The following PDE4B variants were observed in gnomAD, a reference collection of about 807,000 sequenced individuals.
PDE4B encodes 3',5'-cyclic-AMP phosphodiesterase 4B.
In PDE4B, 20 loss-of-function variants were observed where a neutral mutation model predicts 82.2. The ratio of observed to expected loss-of-function variants is 0.24; its 90% confidence interval spans 0.17 to 0.35. The LOEUF (loss-of-function observed/expected upper bound fraction) is 0.35. Ranked by LOEUF, PDE4B falls within the 10% of genes least tolerant of loss-of-function variation. PDE4B has a pLI of 1.00. For synonymous variants in PDE4B, 320 were observed against 318.9 expected (o/e 1.00, Z -0.04); for missense variants, 655 against 907.2 (o/e 0.72, Z 3.57).
chr1:65,884,853 G>A (rs1389210765), intron 1 of PDE4B, among the ~76,000 whole-genome samples: 4 of 152,314 alleles, frequency 2.6e-5, no homozygotes, highest in Admixed American at 1.3e-4. Context: ...GGCCAAAGTT[G>A]ACAAATGGGA....
At position 65,895,507 on chromosome 1, in the gene PDE4B, G is replaced by A. The variant is rs533169336; in HGVS notation, c.-70-17738G>A. Among the ~76,000 whole-genome samples, 44 of 140,764 alleles carry A rather than the reference G, an allele frequency of 3.1e-4. No individual in the cohort carries two copies. The South Asian group carries it at 8.1e-3, about 26-fold the overall frequency. 92.3% of individuals were successfully genotyped at this position (140,764 alleles called of 152,430 possible). A position where few individuals can be genotyped will look rare whatever the true frequency, so the allele number is the denominator to read the frequency against. On this transcript the variant is annotated intron_variant, in intron 1 of 16. Transcript: ENST00000341517. ...AGAGGTTGCAGTGAGCTGAGATCACGCCGCTGCACTCTAGCCTGTGTGACA... is the reference window on the plus strand; with the variant it reads ...AGAGGTTGCAGTGAGCTGAGATCACACCGCTGCACTCTAGCCTGTGTGACA...
At chr1:65,960,898 T>A (rs1649511581) in intron 3 of PDE4B, among the ~76,000 whole-genome samples, 1 of 152,196 alleles carries the variant, frequency 6.6e-6, no homozygotes, top group Non-Finnish European at 1.5e-5. Context: ...CAACTTCCAC[T>A]GGATACATGG....
intron 3 of PDE4B, among the ~76,000 whole-genome samples, chr1:66,080,134 C>A (rs1324239527): frequency 6.6e-6 from 1 of 152,114 alleles, no homozygotes; most frequent in Admixed American, 6.6e-5. Context: ...GTTTCATTGG[C>A]ACATCTCTGA....
intron 3 of PDE4B, among the ~76,000 whole-genome samples, chr1:66,001,369 C>T (rs948780421): frequency 1.4e-4 from 21 of 152,198 alleles, no homozygotes; most frequent in Admixed American, 1.0e-3. Flanking sequence ...GAGCACATTT[C>T]GATGGAGAGC....
At chr1:66,203,018 C>G (rs535733227) in intron 3 of PDE4B, among the ~76,000 whole-genome samples, 12 of 152,182 alleles carry the variant, frequency 7.9e-5, no homozygotes, top group African/African-American at 2.9e-4. Context: ...GTGCTTCCTT[C>G]AGGAGCTCTT....
rs551115624 is a variant in PDE4B, at chr1:66,373,828, C to T, written c.*1150C>T. ...AACGTCACTTAGTAGAGACATATGGCCCCCTTGGCAGAGAGGACAGGGGTG... is the reference window on the plus strand; with the variant it reads ...AACGTCACTTAGTAGAGACATATGGTCCCCTTGGCAGAGAGGACAGGGGTG... On this transcript the variant is annotated 3_prime_UTR_variant, in exon 17 of 17. Transcript: ENST00000341517. 3 of 152,322 alleles carry T rather than the reference C, an allele frequency of 2.0e-5. No homozygotes were observed. The highest frequency in any genetic ancestry group is 7.2e-5 in the African/African-American group (3 of 41,416). The allele number at this position is 152,322 out of a possible 1,614,324, so 9.4% of individuals were successfully genotyped here.
chr1:66,190,847 G>T (rs994497451), intron 3 of PDE4B, among the ~76,000 whole-genome samples: 1 of 151,922 alleles, frequency 6.6e-6, no homozygotes, highest in Non-Finnish European at 1.5e-5. Flanking sequence ...GTGCTGTCCT[G>T]TACCCAGTGT....
Position 66,213,068 on chromosome 1 carries a change from G to C in PDE4B, c.282-34392G>C, listed in dbSNP as rs139106041. Among the ~76,000 whole-genome samples, 89 of 152,038 alleles carry C rather than the reference G, an allele frequency of 5.9e-4. 1 individual carries two copies. Among genetic ancestry groups the C allele is most frequent in the East Asian group, 4.1e-3 (21 of 5,178 alleles). ...CTTTTTCTTTTTTTTCCCCAGTTAGGTTCTTCCCATTTATTTTGTCTCCAG... is the reference window on the plus strand; with the variant it reads ...CTTTTTCTTTTTTTTCCCCAGTTAGCTTCTTCCCATTTATTTTGTCTCCAG... On this transcript the variant is annotated intron_variant, in intron 3 of 16. Transcript: ENST00000341517.
At chr1:66,230,983 G>A (rs1651902237) in intron 3 of PDE4B, among the ~76,000 whole-genome samples, 1 of 149,522 alleles carries the variant, frequency 6.7e-6, no homozygotes, top group Non-Finnish European at 1.5e-5. Context: ...GCAGTGAGCC[G>A]AGATTGCACC....
intron 3 of PDE4B, among the ~76,000 whole-genome samples, chr1:66,160,177 T>A (rs1646582440): frequency 6.6e-6 from 1 of 152,162 alleles, no homozygotes. Context: ...TCCCACGGTG[T>A]AGAGGAGTAG....
chr1:65,837,154 C>A (rs1646149313), intron 1 of PDE4B, among the ~76,000 whole-genome samples: 1 of 151,122 alleles, frequency 6.6e-6, no homozygotes, highest in Admixed American at 6.6e-5. Flanking sequence ...TGTATATAAA[C>A]AACAATTTAC....
chr1:66,300,652 T>A (rs961422876), intron 7 of PDE4B, among the ~76,000 whole-genome samples: 3 of 152,154 alleles, frequency 2.0e-5, no homozygotes, highest in Non-Finnish European at 4.4e-5. Context: ...GCCTACAGTG[T>A]GTGTATAGCT....
intron 1 of PDE4B, among the ~76,000 whole-genome samples, chr1:65,860,189 C>T (rs907210382): frequency 2.0e-5 from 3 of 152,186 alleles, no homozygotes; most frequent in Non-Finnish European, 4.4e-5. Context: ...ATAATACTCT[C>T]CCTCCCCTCA....
At chr1:66,037,633 G>A (rs1425704692) in intron 3 of PDE4B, among the ~76,000 whole-genome samples, 1 of 151,824 alleles carries the variant, frequency 6.6e-6, no homozygotes, top group African/African-American at 2.4e-5. Flanking sequence ...AATTGTTCTG[G>A]CTAGTACTTC....
intron 3 of PDE4B, among the ~76,000 whole-genome samples, chr1:66,123,055 T>C (rs551220482): frequency 2.0e-5 from 3 of 152,268 alleles, no homozygotes; most frequent in Non-Finnish European, 4.4e-5. Context: ...CTGTTTCTCT[T>C]TTCTTTTTCC....
chr1:66,330,720 G>A, intron 7 of PDE4B: 1 of 958,096 alleles, frequency 1.0e-6, no homozygotes, highest in African/African-American at 1.8e-5. Context: ...CTTGGAAGAA[G>A]TGCTCTTCTG....
rs1407148656 is a variant in PDE4B at position 66,367,930 on chromosome 1, C to A, written c.1540-13C>A. 6.2e-7 allele frequency: 1 copy of A among 1,613,004 alleles called. No individual in the cohort carries two copies. The highest frequency in any genetic ancestry group is 8.5e-7 in the Non-Finnish European group (1 of 1,179,570). On this transcript the variant is annotated splice_polypyrimidine_tract_variant and intron_variant, in intron 14 of 16. Transcript: ENST00000341517. ...TGAATTTATTAAGAGTTTTCATTTT[C>A]TTTTTACCCAAGGTGTTAGCAACTG...
At chr1:66,007,194 C>G (rs1652198217) in intron 3 of PDE4B, among the ~76,000 whole-genome samples, 1 of 152,076 alleles carries the variant, frequency 6.6e-6, no homozygotes, top group African/African-American at 2.4e-5. Flanking sequence ...CCTGTAATCC[C>G]AGCACTTTGG....
At chr1:66,160,538 T>G (rs1183873509) in intron 3 of PDE4B, among the ~76,000 whole-genome samples, 1 of 152,192 alleles carries the variant, frequency 6.6e-6, no homozygotes, top group Non-Finnish European at 1.5e-5. Context: ...CTCTGTCCAG[T>G]GCATTACATT....
Sources: gnomAD v4.1 joint callset for allele counts (sites outside exome capture counted in the v4.1 genomes callset) on GRCh38, gnomAD v4.1.1 for gene constraint, MANE v1.5 for transcripts, NCBI Gene and HGNC (gene_info 2026-07-23, HGNC 2026-07-21) for gene names.